The following KANK1 variants were observed in gnomAD, a reference collection of about 807,000 sequenced individuals.
KANK1 encodes the protein KN motif and ankyrin repeat domains 1, also known as KN motif and ankyrin repeat domain-containing protein 1.
In KANK1, 109 loss-of-function variants were observed where a neutral mutation model predicts 106.2. The observed-to-expected ratio is 1.03, with a 90% CI of 0.88 to 1.20. The LOEUF is 1.20. KANK1 is among the 50% of genes most tolerant of loss of function. The pLI, the probability that KANK1 is intolerant of heterozygous loss-of-function variation, is 0.00. For synonymous variants in KANK1, 873 were observed against 652.2 expected (o/e 1.34, Z -5.16); for missense variants, 2,399 against 1,710.7 (o/e 1.40, Z -7.10).
At chr9:724,098 A>G (rs151031112) in intron 3 of KANK1, among the ~76,000 whole-genome samples, 374 of 152,152 alleles carry the variant, frequency 2.5e-3, no homozygotes, top group African/African-American at 8.6e-3. Flanking sequence ...GAGATGCCAT[A>G]TCAAAAAAAA....
chr9:528,469 C>CTTTTTTTTTTT lies in KANK1; in HGVS notation c.-84+23735_-84+23745dup, dbSNP rs36072780. 4.0e-4 allele frequency among the ~76,000 whole-genome samples: 34 copies of CTTTTTTTTTTT among 85,124 alleles called. 2 individuals are homozygous for CTTTTTTTTTTT. The highest frequency in any genetic ancestry group is 6.3e-4 in the Non-Finnish European group (26 of 41,366). 55.8% of individuals were successfully genotyped at this position (85,124 alleles called of 152,430 possible). A position where few individuals can be genotyped will look rare whatever the true frequency, so the allele number is the denominator to read the frequency against. ...ACCATTTTACTGAATTAAAAAATAA[C>CTTTTTTTTTTT]TTTTTTTTTTTTTTTTTTTTTTTTT... is the stretch of plus-strand genomic sequence containing the variant. On this transcript the variant is annotated intron_variant, in intron 1 of 11. Transcript: ENST00000382297.
intron 1 of KANK1, among the ~76,000 whole-genome samples, chr9:523,854 T>A (rs532141629): frequency 6.6e-6 from 1 of 151,648 alleles, no homozygotes; most frequent in Admixed American, 6.6e-5. Flanking sequence ...ACCAGTATTA[T>A]TATGGAATTT....
chr9:695,542 C>T (rs1326860350), intron 2 of KANK1, among the ~76,000 whole-genome samples: 1 of 151,798 alleles, frequency 6.6e-6, no homozygotes, highest in African/African-American at 2.4e-5. Context: ...CAATGTAGAA[C>T]TCAAGATTTT....
At chr9:732,253 A>C in intron 5 of KANK1, 125 bp from the exon 6 acceptor site, 22 of 1,157,798 alleles carry the variant, frequency 1.9e-5, no homozygotes, top group Non-Finnish European at 2.7e-5. Flanking sequence ...TGAACTTCTA[A>C]GTGCAGGATC....
chr9:606,554 C>G (rs1159918417), intron 1 of KANK1, among the ~76,000 whole-genome samples: 1 of 134,234 alleles, frequency 7.4e-6, no homozygotes, highest in Non-Finnish European at 1.5e-5. Flanking sequence ...AAAACTCTGT[C>G]TCAGAAAAAA....
At chr9:618,698 G>C (rs116829794) in intron 1 of KANK1, among the ~76,000 whole-genome samples, 1 of 152,010 alleles carries the variant, frequency 6.6e-6, no homozygotes, top group Non-Finnish European at 1.5e-5. Context: ...GAATGCCAGG[G>C]CTTGCTTTTT....
At chr9:671,509 T>TGGTCTGTGCCTGTAGTCCCGGCTAATCG (rs145823320) in intron 1 of KANK1, among the ~76,000 whole-genome samples, 1 of 144,304 alleles carries the variant, frequency 6.9e-6, no homozygotes, top group African/African-American at 2.6e-5. Flanking sequence ...CTGGACGTGG[T>TGGTCTGTGCCTGTAGTCCCGGCTAATCG]GGAGGCTGAG....
At chr9:668,038 C>G (rs566451889) in intron 1 of KANK1, among the ~76,000 whole-genome samples, 4 of 152,050 alleles carry the variant, frequency 2.6e-5, no homozygotes, top group Admixed American at 2.6e-4. Context: ...GCCCAAAATT[C>G]CTCTTGTTAT....
intron 1 of KANK1, among the ~76,000 whole-genome samples, chr9:605,409 G>A (rs1458958482): frequency 6.6e-6 from 1 of 151,746 alleles, no homozygotes; most frequent in Admixed American, 6.6e-5. Context: ...CAGATGAAGG[G>A]GCATCTAAAA....
intron 7 of KANK1, among the ~76,000 whole-genome samples, chr9:736,440 A>C (rs977738908): frequency 6.6e-6 from 1 of 152,146 alleles, no homozygotes; most frequent in Non-Finnish European, 1.5e-5. Context: ...ACAGTGGCTC[A>C]CACCTGTAAT....
At chr9:576,970 C>A (rs775679006) in intron 1 of KANK1, among the ~76,000 whole-genome samples, 2 of 152,090 alleles carry the variant, frequency 1.3e-5, no homozygotes, top group Non-Finnish European at 2.9e-5. Context: ...ATGGTGTGTC[C>A]GGAGTTTGTT....
At chr9:720,483 A>G (rs577157250) in intron 3 of KANK1, among the ~76,000 whole-genome samples, 1 of 152,316 alleles carries the variant, frequency 6.6e-6, no homozygotes, top group African/African-American at 2.4e-5. Flanking sequence ...AGCTAGGACT[A>G]CAGACACTTA....
intron 1 of KANK1, among the ~76,000 whole-genome samples, chr9:627,917 T>G (rs2136639444): frequency 6.6e-6 from 1 of 152,168 alleles, no homozygotes; most frequent in Middle Eastern, 3.4e-3. Flanking sequence ...AGGGCTTGAT[T>G]TATATACAGC....
chr9:576,787 C>G (rs1384227438), intron 1 of KANK1, among the ~76,000 whole-genome samples: 1 of 151,858 alleles, frequency 6.6e-6, no homozygotes, highest in Admixed American at 6.6e-5. Flanking sequence ...CATGACATTC[C>G]CTGTACGTAC....
intron 1 of KANK1, among the ~76,000 whole-genome samples, chr9:624,172 A>G (rs1170831419): frequency 6.6e-6 from 1 of 152,176 alleles, no homozygotes; most frequent in Non-Finnish European, 1.5e-5. Flanking sequence ...TGTAGAATAT[A>G]AAAACGTTGA....
At chr9:639,112 C>T (rs1374316400) in intron 1 of KANK1, among the ~76,000 whole-genome samples, 1 of 152,136 alleles carries the variant, frequency 6.6e-6, no homozygotes, top group African/African-American at 2.4e-5. Context: ...CCCCACACAT[C>T]TGATTGCTGA....
At chr9:504,045 G>C (rs2058620371), upstream of KANK1, among the ~76,000 whole-genome samples, 3 of 152,142 alleles carry the variant, frequency 2.0e-5, no homozygotes, top group South Asian at 6.2e-4. Flanking sequence ...TGGCCGCCGG[G>C]GCGACCGTGC....
chr9:560,439 T>G (rs971946088), intron 1 of KANK1, among the ~76,000 whole-genome samples: 1 of 152,176 alleles, frequency 6.6e-6, no homozygotes, highest in African/African-American at 2.4e-5. Context: ...GGAAAGTTTA[T>G]ACTTTATTTT....
intron 1 of KANK1, among the ~76,000 whole-genome samples, chr9:579,368 A>C (rs901855079): frequency 4.6e-5 from 7 of 152,194 alleles, no homozygotes; most frequent in Non-Finnish European, 1.5e-5. Flanking sequence ...GTCCTCCCCA[A>C]AATCCAGGAT....
Sources: allele counts gnomAD v4.1 joint callset (sites outside exome capture counted in the v4.1 genomes callset), GRCh38; gene constraint gnomAD v4.1.1; transcripts MANE v1.5; gene names NCBI Gene and HGNC (gene_info 2026-07-23, HGNC 2026-07-21).